NCALD: variants seen among roughly 807,000 people sequenced by gnomAD.
The protein encoded by NCALD is neurocalcin-delta.
In NCALD, 10 loss-of-function variants were observed where a neutral mutation model predicts 18.6. The ratio of observed to expected loss-of-function variants is 0.54; its 90% CI spans 0.33 to 0.91. NCALD has a LOEUF of 0.91. Ranked by LOEUF, NCALD falls within the 40% of genes least tolerant of loss-of-function variation. The pLI is 0.03. For synonymous variants in NCALD, 88 were observed against 87.4 expected (o/e 1.01, Z -0.04); for missense variants, 184 against 247.6 (o/e 0.74, Z 1.72).
At chr8:101,795,749 G>A (rs936487148), upstream of NCALD, among the ~76,000 whole-genome samples, 1 of 152,186 alleles carries the variant, frequency 6.6e-6, no homozygotes, top group Non-Finnish European at 1.5e-5. Flanking sequence ...TTCTTAAGTG[G>A]TGTGGGGCTT....
At chr8:101,896,003 G>C (rs1024040671) in intron 3 of NCALD, among the ~76,000 whole-genome samples, 19 of 151,048 alleles carry the variant, frequency 1.3e-4, no homozygotes, top group African/African-American at 4.4e-4. Flanking sequence ...TCACAGAATT[G>C]GAAAAAACTA....
intron 1 of NCALD, among the ~76,000 whole-genome samples, chr8:101,746,198 T>C (rs1198358718): frequency 6.6e-6 from 1 of 152,198 alleles, no homozygotes. Flanking sequence ...TCGGAAATGC[T>C]AAAACATGCA....
chr8:101,998,215 C>A (rs891159953), intron 2 of NCALD, among the ~76,000 whole-genome samples: 3 of 152,176 alleles, frequency 2.0e-5, no homozygotes, highest in African/African-American at 7.2e-5. Flanking sequence ...AATAGCAAGT[C>A]ATTTTAAAAC....
intron 1 of NCALD, among the ~76,000 whole-genome samples, chr8:101,742,996 C>T (rs180725258): frequency 5.3e-5 from 8 of 152,256 alleles, no homozygotes; most frequent in African/African-American, 7.2e-5. Context: ...CTGCAAAGGA[C>T]ATGATCTCAT....
intron 1 of NCALD, among the ~76,000 whole-genome samples, chr8:102,122,227 G>A (rs76101677): frequency 0.013 from 1,909 of 152,308 alleles, 30 homozygotes; most frequent in African/African-American, 0.043. Flanking sequence ...GATGATAGAT[G>A]CTGCGACTCA....
intron 4 of NCALD, among the ~76,000 whole-genome samples, chr8:101,850,725 T>C (rs1363229537): frequency 1.3e-5 from 2 of 152,198 alleles, no homozygotes; most frequent in South Asian, 2.1e-4. Context: ...TTACAGTATA[T>C]ATGAAGCAGA....
chr8:101,999,377 G>A (rs1821361176), intron 2 of NCALD, among the ~76,000 whole-genome samples: 2 of 152,276 alleles, frequency 1.3e-5, no homozygotes, highest in Admixed American at 1.3e-4. Flanking sequence ...CAGCAACCTG[G>A]ATGGAATTGG....
intron 1 of NCALD, among the ~76,000 whole-genome samples, chr8:102,030,360 A>G (rs902141003): frequency 2.0e-5 from 3 of 152,228 alleles, no homozygotes; most frequent in African/African-American, 7.2e-5. Flanking sequence ...AACAGAAGCC[A>G]ACTTTCAAAG....
chr8:101,747,132 C>T (rs1368218489), intron 1 of NCALD, among the ~76,000 whole-genome samples: 1 of 152,154 alleles, frequency 6.6e-6, no homozygotes, highest in African/African-American at 2.4e-5. Flanking sequence ...CTGTTGGACC[C>T]ACACCCAGCA....
chr8:101,981,715 C>A (rs1820624618), intron 2 of NCALD, among the ~76,000 whole-genome samples: 2 of 152,190 alleles, frequency 1.3e-5, no homozygotes, highest in Admixed American at 6.5e-5. Context: ...ATCTGCTGAA[C>A]CTGGCTTTTT....
intron 3 of NCALD, chr8:101,690,278 G>A (rs953805192): frequency 1.0e-6 from 1 of 985,220 alleles, no homozygotes; most frequent in African/African-American, 1.7e-5. Context: ...CTTCCTCTTT[G>A]TCTACCCCGC....
chr8:101,937,726 C>T (rs1340512354), intron 2 of NCALD, among the ~76,000 whole-genome samples: 1 of 152,158 alleles, frequency 6.6e-6, no homozygotes, highest in Non-Finnish European at 1.5e-5. Context: ...TGGCGATGGG[C>T]TAGGTCCTGT....
chr8:101,762,601 T>C (rs1053742559), intron 1 of NCALD, among the ~76,000 whole-genome samples: 4 of 151,864 alleles, frequency 2.6e-5, no homozygotes, highest in African/African-American at 7.3e-5. Context: ...CTTTTTTTTT[T>C]TTTTTTTCTG....
chr8:102,101,226 A>G (rs906468325), intron 1 of NCALD, among the ~76,000 whole-genome samples: 1 of 152,220 alleles, frequency 6.6e-6, no homozygotes, highest in Non-Finnish European at 1.5e-5. Flanking sequence ...TCAGCTCTCC[A>G]ATTGCTGTCA....
chr8:102,009,744 G>T (rs778488980), intron 2 of NCALD, among the ~76,000 whole-genome samples: 6 of 152,182 alleles, frequency 3.9e-5, no homozygotes, highest in Non-Finnish European at 8.8e-5. Flanking sequence ...CCGTCTTTCT[G>T]TCTGGAGAAA....
intron 1 of NCALD, among the ~76,000 whole-genome samples, chr8:102,114,963 C>T (rs982359539): frequency 3.3e-5 from 5 of 152,222 alleles, no homozygotes; most frequent in Non-Finnish European, 7.3e-5. Flanking sequence ...CCATCCTCAG[C>T]ATATGCACAA....
At chr8:101,813,335 G>A (rs777728169) in intron 4 of NCALD, among the ~76,000 whole-genome samples, 2 of 152,026 alleles carry the variant, frequency 1.3e-5, no homozygotes, top group Non-Finnish European at 2.9e-5. Flanking sequence ...AGCATGGCAT[G>A]TTAGAGGAAT....
intron 2 of NCALD, among the ~76,000 whole-genome samples, chr8:101,949,488 G>C (rs1586809709): frequency 6.6e-6 from 1 of 152,092 alleles, no homozygotes; most frequent in African/African-American, 2.4e-5. Context: ...ATCTGGTACT[G>C]TTAGAGAGGC....
At chr8:101,854,268 G>C (rs1218630559) in intron 4 of NCALD, among the ~76,000 whole-genome samples, 1 of 152,124 alleles carries the variant, frequency 6.6e-6, no homozygotes, top group African/African-American at 2.4e-5. Context: ...GGACATGACT[G>C]TTGGTCCCTG....
Sources: gnomAD v4.1 joint callset for allele counts (sites outside exome capture counted in the v4.1 genomes callset) on GRCh38, gnomAD v4.1.1 for gene constraint, MANE v1.5 for transcripts, NCBI Gene and HGNC (gene_info 2026-07-23, HGNC 2026-07-21) for gene names.